DAG1: variants seen among roughly 807,000 people sequenced by gnomAD.
DAG1 encodes the protein dystroglycan 1.
DAG1 carries 8 observed loss-of-function variants against 46.1 expected under a neutral mutation model. The observed-to-expected ratio is 0.17, with a 90% confidence interval of 0.10 to 0.31. DAG1 has a LOEUF of 0.31. Ranked by LOEUF, DAG1 falls within the 10% of genes least tolerant of loss-of-function variation. The pLI, the probability that DAG1 is intolerant of heterozygous loss-of-function variation, is 1.00. For synonymous variants in DAG1, 495 were observed against 481.8 expected (o/e 1.03, Z -0.36); for missense variants, 1,003 against 1,189.9 (o/e 0.84, Z 2.31).
At chr3:49,473,857 T>G (rs2049598622) in intron 1 of DAG1, among the ~76,000 whole-genome samples, 1 of 151,474 alleles carries the variant, frequency 6.6e-6, no homozygotes, top group Non-Finnish European at 1.5e-5. Flanking sequence ...GTGTTGAGAT[T>G]ACAGGCGTGA....
Position 49,532,536 on chromosome 3 carries a change from T to A in DAG1, c.2025T>A (p.Ala675=), listed in dbSNP as rs1559580731. 3.1e-6 allele frequency: 5 copies of A among 1,613,746 alleles called. No individual in the cohort carries two copies. In the East Asian group the frequency reaches 1.1e-4, roughly 36 times the overall value. ...PLEPCPKEQI[A]GLSRRIAEDD... ...AGCCCTGCCCCAAGGAGCAGATCGC[T>A]GGGCTGAGCCGCCGGATCGCTGAGG... The change falls in exon 3 of 3, where the codon GCT becomes GCA. Residue 675 remains alanine, a synonymous_variant. Transcript: ENST00000308775. This position sits in a 1 kb window ranked among gnomAD's most constrained non-coding sequence, Gnocchi z 5.4.
At chr3:49,479,124 A>T (rs1411891624) in intron 1 of DAG1, among the ~76,000 whole-genome samples, 4 of 151,498 alleles carry the variant, frequency 2.6e-5, no homozygotes, top group African/African-American at 9.7e-5. Context: ...TAAATAGGGA[A>T]TACAACACAT....
intron 2 of DAG1, among the ~76,000 whole-genome samples, chr3:49,526,707 ACT>A (rs2107841400): frequency 6.6e-6 from 1 of 152,236 alleles, no homozygotes; most frequent in East Asian, 1.9e-4. Flanking sequence ...ACAGAGTGAG[ACT>A]CTGTCTCAAA....
At chr3:49,491,742 C>T (rs1485308608) in intron 1 of DAG1, among the ~76,000 whole-genome samples, 3 of 152,078 alleles carry the variant, frequency 2.0e-5, no homozygotes, top group Non-Finnish European at 1.5e-5. Flanking sequence ...TCCCAAAGTG[C>T]TAGGATTACA....
intron 2 of DAG1, among the ~76,000 whole-genome samples, chr3:49,527,723 ATAG>A (rs2051223602): frequency 6.6e-6 from 1 of 151,738 alleles, no homozygotes; most frequent in Non-Finnish European, 1.5e-5. Context: ...GTGCCCTTGT[ATAG>A]TTGAAGACAG....
intron 1 of DAG1, among the ~76,000 whole-genome samples, chr3:49,489,223 G>C (rs1271554321): frequency 6.6e-6 from 1 of 151,992 alleles, no homozygotes; most frequent in Non-Finnish European, 1.5e-5. Flanking sequence ...CTCCCGAATA[G>C]CTGGGATTAC....
chr3:49,475,685 T>A (rs1006167895), intron 1 of DAG1, among the ~76,000 whole-genome samples: 2 of 148,894 alleles, frequency 1.3e-5, no homozygotes, highest in African/African-American at 2.4e-5. Flanking sequence ...GTTTGATAGC[T>A]AAGCATTTTC....
chr3:49,472,637 C>G (rs2049554612), intron 1 of DAG1, among the ~76,000 whole-genome samples: 1 of 152,060 alleles, frequency 6.6e-6, no homozygotes, highest in Non-Finnish European at 1.5e-5. Flanking sequence ...GAAACCCCCT[C>G]TCTACTAAAA....
At chr3:49,485,649 T>TTTTC (rs1168935576) in intron 1 of DAG1, among the ~76,000 whole-genome samples, 2 of 136,360 alleles carry the variant, frequency 1.5e-5, no homozygotes. Context: ...TTTGTTTTTG[T>TTTTC]TTTCTTTCTT....
chr3:49,516,776 A>T (rs1022140091), intron 2 of DAG1, among the ~76,000 whole-genome samples: 2 of 152,132 alleles, frequency 1.3e-5, no homozygotes, highest in African/African-American at 4.8e-5. Context: ...CATTTCTTCA[A>T]GGAGCCTGAT....
intron 1 of DAG1, among the ~76,000 whole-genome samples, chr3:49,480,539 C>T (rs955902257): frequency 6.9e-5 from 10 of 145,526 alleles, no homozygotes; most frequent in Non-Finnish European, 9.2e-5. Flanking sequence ...GTGATCCGCC[C>T]GCCTTGGCCT....
rs2051436261 is a variant in DAG1, at chr3:49,533,765, A to G, written c.*566A>G. ...GGTATGGGGAATTGCTTTGCTAAAA[A>G]TAAGCTCCCAGGGTGTTTCAAACTT... On this transcript the variant is annotated 3_prime_UTR_variant, in exon 3 of 3. Transcript: ENST00000308775. 4.2e-6 allele frequency: 1 copy of G among 239,314 alleles called. No individual in the cohort carries two copies. Among genetic ancestry groups the G allele is most frequent in the East Asian group, 1.2e-4 (1 of 8,598 alleles). 14.8% of individuals were successfully genotyped at this position (239,314 alleles called of 1,614,324 possible).
In DAG1 at chr3:49,532,969, C is replaced by T. The variant is rs760405270; in HGVS notation, c.2458C>T (p.Gln820Ter). Residue 820 changes from glutamine to a stop codon, truncating the protein, a stop_gained, in exon 3 of 3, where the codon CAG becomes TAG. Transcript: ENST00000308775. LOFTEE classifies it high-confidence loss of function. The surrounding 1 kb of genome is among the most constrained non-coding windows in gnomAD (Gnocchi z 5.4). ...PPSSSMPLIL[Q>*]EEKAPLPPPE... ...CTCCTCCAGCATGCCACTCATTCTG[C>T]AGGAGGAGAAGGCTCCCCTACCCCC... The T allele has an allele frequency of 1.2e-6, 2 of 1,614,098 alleles. No individual in the cohort carries two copies. Among genetic ancestry groups the T allele is most frequent in the Non-Finnish European group, 1.7e-6 (2 of 1,180,006 alleles).
At chr3:49,516,432 C>T (rs781168246) in intron 2 of DAG1, among the ~76,000 whole-genome samples, 1 of 152,238 alleles carries the variant, frequency 6.6e-6, no homozygotes, top group Non-Finnish European at 1.5e-5. Flanking sequence ...TATGGTCTTG[C>T]CGTGTTTTGA....
At chr3:49,501,754 C>T (rs1223423356) in intron 1 of DAG1, among the ~76,000 whole-genome samples, 1 of 147,588 alleles carries the variant, frequency 6.8e-6, no homozygotes, top group Non-Finnish European at 1.5e-5. Flanking sequence ...GCAGAGGTTG[C>T]AGTGAGCCGA....
At chr3:49,497,853 C>T (rs1168747646) in intron 1 of DAG1, among the ~76,000 whole-genome samples, 1 of 152,204 alleles carries the variant, frequency 6.6e-6, no homozygotes, top group African/African-American at 2.4e-5. Flanking sequence ...GGGTTTTGAA[C>T]CTTGCTTTTC....
chr3:49,509,784 A>G (rs1437936221), intron 1 of DAG1, among the ~76,000 whole-genome samples: 1 of 151,950 alleles, frequency 6.6e-6, no homozygotes, highest in Non-Finnish European at 1.5e-5. Flanking sequence ...GCTGGAGTGC[A>G]GTGGTGCAAT....
intron 2 of DAG1, among the ~76,000 whole-genome samples, chr3:49,521,232 C>T (rs1236584445): frequency 2.6e-5 from 4 of 151,578 alleles, no homozygotes; most frequent in Non-Finnish European, 5.9e-5. Flanking sequence ...GGCGCGATCT[C>T]GGCTCACTGC....
intron 1 of DAG1, among the ~76,000 whole-genome samples, chr3:49,471,430 C>T (rs1377141076): frequency 2.0e-5 from 3 of 152,162 alleles, no homozygotes; most frequent in African/African-American, 4.8e-5. Context: ...AGTTCAGAGA[C>T]ATTATTTTGG....
Sources: gnomAD v4.1 joint callset for allele counts (sites outside exome capture counted in the v4.1 genomes callset) on GRCh38, gnomAD v4.1.1 for gene constraint, Gnocchi (gnomAD v3.1) non-coding constraint, MANE v1.5 for transcripts, NCBI Gene and HGNC (gene_info 2026-07-23, HGNC 2026-07-21) for gene names.